Variants in EFCAB8 observed in about 807,000 individuals in gnomAD.
EFCAB8 encodes EF-hand calcium-binding domain-containing protein 8.
In EFCAB8, 100 loss-of-function variants were observed where a neutral mutation model predicts 116.3. That is an observed-to-expected ratio of 0.86 (90% CI 0.73 to 1.02). The LOEUF (loss-of-function observed/expected upper bound fraction) is 1.02. Ranked by LOEUF, EFCAB8 falls within the 50% of genes least tolerant of loss-of-function variation. EFCAB8 has a pLI of 0.00. For missense variants in EFCAB8, 1,320 were observed against 1,416.9 expected (o/e 0.93, Z 1.10); for synonymous variants, 558 against 567.9 (o/e 0.98, Z 0.25).
At chr20:32,912,163 G>T (rs1568925783) in intron 16 of EFCAB8, among the ~76,000 whole-genome samples, 1 of 152,104 alleles carries the variant, frequency 6.6e-6, no homozygotes, top group Non-Finnish European at 1.5e-5. Flanking sequence ...AGCTGGCCAG[G>T]CAGTGGCTCA....
Position 32,900,728 on chromosome 20 carries a change from G to A in EFCAB8, c.1088+2105G>A, listed in dbSNP as rs551394589. 5.3e-5 allele frequency among the ~76,000 whole-genome samples: 8 copies of A among 152,154 alleles called. No homozygotes were observed. The East Asian group carries it at 7.7e-4, about 15-fold the overall frequency. On this transcript the variant is annotated intron_variant, in intron 11 of 26. Coordinates refer to ENST00000400522, the MANE Select transcript of EFCAB8 (RefSeq NM_001143967.2). ...ACTACAGGTGTGCGCCACCATGCCC[G>A]GTTAATTTTTTTTCATATTTTAGTA... is the stretch of plus-strand genomic sequence containing the variant.
At chr20:32,916,551 G>A (rs1205518952) in intron 17 of EFCAB8, among the ~76,000 whole-genome samples, 1 of 152,128 alleles carries the variant, frequency 6.6e-6, no homozygotes, top group Non-Finnish European at 1.5e-5. Flanking sequence ...GAGCCACCAT[G>A]CCTAGCCTAG....
chr20:32,863,858 T>G, intron 2 of EFCAB8, 24 bp downstream of exon 2: 1 of 1,550,668 alleles, frequency 6.4e-7, no homozygotes, highest in Admixed American at 2.0e-5. Context: ...TTATCTGAAC[T>G]AATAAAGGGT....
At chr20:32,957,425 G>A (rs1989005839) in intron 23 of EFCAB8, among the ~76,000 whole-genome samples, 1 of 152,048 alleles carries the variant, frequency 6.6e-6, no homozygotes, top group Non-Finnish European at 1.5e-5. Flanking sequence ...GTATAGGGCT[G>A]AGCATCTCCA....
At chr20:32,927,383 C>G (rs1470628710) in intron 20 of EFCAB8, among the ~76,000 whole-genome samples, 1 of 152,032 alleles carries the variant, frequency 6.6e-6, no homozygotes, top group East Asian at 1.9e-4. Context: ...CTCACTCTGT[C>G]TCCCAGGCTG....
rs1341612521 is a variant in EFCAB8 at position 32,889,293 on chromosome 20, C to T, written c.568-8C>T. 6.4e-7 allele frequency: 1 copy of T among 1,551,398 alleles called. No individual in the cohort carries two copies. Among genetic ancestry groups the T allele is most frequent in the African/African-American group, 1.4e-5 (1 of 73,034 alleles). ...CCAGCCCATCTCCTCTGCTCTTCCT[C>T]TGGCCAGCTTAACCAGACCCAGCAG... On this transcript the variant is annotated splice_region_variant and splice_polypyrimidine_tract_variant and intron_variant, in intron 6 of 26. Transcript: ENST00000400522.
intron 3 of EFCAB8, among the ~76,000 whole-genome samples, chr20:32,871,494 GC>G (rs151283464): frequency 3.3e-3 from 502 of 151,940 alleles, no homozygotes; most frequent in Non-Finnish European, 5.6e-3. Context: ...TGTATTCCTT[GC>G]TTTTTTAAAA....
At chr20:32,860,493 CTTTTTTT>C (rs71190881) in intron 1 of EFCAB8, among the ~76,000 whole-genome samples, 3 of 84,004 alleles carry the variant, frequency 3.6e-5, no homozygotes, top group African/African-American at 1.6e-4. Context: ...ATGGTGGTAA[CTTTTTTT>C]TTTTTTTTTT....
chr20:32,885,470 G>A (rs1716916248), intron 5 of EFCAB8, 35 bp from the exon 6 acceptor site: 1 of 1,548,766 alleles, frequency 6.5e-7, no homozygotes, highest in African/African-American at 1.4e-5. Flanking sequence ...AGCTGTTTTT[G>A]CTTGGGCTCT....
Position 32,878,785 on chromosome 20 carries a change from C to T in EFCAB8, c.409C>T (p.Leu137Phe), listed in dbSNP as rs1184992479. The change falls in exon 5 of 27, where the codon CTT (leucine) becomes TTT (phenylalanine). Residue 137 changes from leucine (L) to phenylalanine (F), a missense_variant. By Grantham distance (22) the Leu-to-Phe change is conservative. Coordinates refer to ENST00000400522, the MANE Select transcript of EFCAB8 (RefSeq NM_001143967.2). ...GAGCCAGTACCGCCTGCACTTCTAC[C>T]TTCCCATGACGGTCGTCCCCCTGTA... ...RKSQYRLHFYLPMTVVPLNHG... is the reference protein window; with the variant it reads ...RKSQYRLHFYFPMTVVPLNHG... 7 of 1,552,180 alleles carry T rather than the reference C, an allele frequency of 4.5e-6. No homozygotes were observed. The highest frequency in any genetic ancestry group is 6.1e-6 in the Non-Finnish European group (7 of 1,147,094).
At chr20:32,927,015 G>A (rs1427837392) in intron 20 of EFCAB8, among the ~76,000 whole-genome samples, 2 of 151,680 alleles carry the variant, frequency 1.3e-5, no homozygotes. Flanking sequence ...TAGTCCTTTG[G>A]GTATACCACT....
chr20:32,868,642 G>T (rs1197905186), intron 3 of EFCAB8, among the ~76,000 whole-genome samples: 1 of 152,130 alleles, frequency 6.6e-6, no homozygotes, highest in Non-Finnish European at 1.5e-5. Context: ...AGGAGTCTGG[G>T]CATGGCTTAG....
At chr20:32,933,243 T>C (rs539372709) in intron 22 of EFCAB8, among the ~76,000 whole-genome samples, 1 of 152,328 alleles carries the variant, frequency 6.6e-6, no homozygotes, top group East Asian at 1.9e-4. Flanking sequence ...CTGCTCTTAG[T>C]TTTATAATGA....
chr20:32,921,037 A>G (rs963858607), intron 20 of EFCAB8, among the ~76,000 whole-genome samples: 10 of 152,090 alleles, frequency 6.6e-5, no homozygotes, highest in Admixed American at 1.3e-4. Context: ...GAAAATACAA[A>G]TCATAGTTGA....
chr20:32,876,177 CGGG>C, intron 4 of EFCAB8, 133 bp downstream of exon 4: 1 of 766,118 alleles, frequency 1.3e-6, no homozygotes, highest in African/African-American at 1.7e-5. Context: ...TGGCCCCAGT[CGGG>C]GGACTTGCCT....
Position 32,958,545 on chromosome 20 carries a change from G to A in EFCAB8, c.3084G>A (p.Glu1028=), listed in dbSNP as rs1213965028. 1 of 416,158 alleles carries A rather than the reference G, an allele frequency of 2.4e-6. No homozygotes were observed. The highest frequency in any genetic ancestry group is 2.0e-5 in the African/African-American group (1 of 48,796). 25.8% of individuals were successfully genotyped at this position (416,158 alleles called of 1,614,324 possible). ...TGTTQKVLHL[E]LQEQRDLAEA... ...CCACCCAGAAGGTCTTACATCTGGA[G>A]CTGCAGTGAGTGAGCACAGCCTGCT... The change falls in exon 24 of 27, where the codon GAG becomes GAA. Residue 1028 remains glutamate, a synonymous_variant. Transcript: ENST00000400522.
At chr20:32,943,848 G>T in intron 23 of EFCAB8, 44 bp downstream of exon 23, 1 of 416,494 alleles carries the variant, frequency 2.4e-6, no homozygotes, top group South Asian at 1.3e-4. Context: ...GGCCCTTCTT[G>T]TCTCTGTCCC....
intron 9 of EFCAB8, among the ~76,000 whole-genome samples, chr20:32,895,326 T>C (rs1986105010): frequency 6.6e-6 from 1 of 150,792 alleles, no homozygotes; most frequent in Non-Finnish European, 1.5e-5. Context: ...TTTTTTTTTT[T>C]TTTTTTTTTA....
At chr20:32,873,076 A>G (rs1984768040) in intron 3 of EFCAB8, among the ~76,000 whole-genome samples, 1 of 152,092 alleles carries the variant, frequency 6.6e-6, no homozygotes, top group Non-Finnish European at 1.5e-5. Flanking sequence ...CTGGGCAATA[A>G]GAGCAAAACT....
Sources: gnomAD v4.1 joint callset for allele counts (sites outside exome capture counted in the v4.1 genomes callset) on GRCh38, gnomAD v4.1.1 for gene constraint, MANE v1.5 for transcripts, NCBI Gene and HGNC (gene_info 2026-07-23, HGNC 2026-07-21) for gene names.